The following PPP2R2B variants were observed in gnomAD, a reference collection of about 807,000 sequenced individuals.
PPP2R2B encodes protein phosphatase 2 regulatory subunit Bbeta, also known as serine/threonine-protein phosphatase 2A 55 kDa regulatory subunit B beta isoform.
In PPP2R2B, 5 loss-of-function variants were observed where a neutral mutation model predicts 46.0. That is an observed-to-expected ratio of 0.11 (90% CI 0.06 to 0.23). PPP2R2B has a LOEUF of 0.23. PPP2R2B is among the 10% of genes least tolerant of loss of function. PPP2R2B has a pLI of 1.00. For missense variants in PPP2R2B, 367 were observed against 575.0 expected (o/e 0.64, Z 3.70); for synonymous variants, 215 against 206.7 (o/e 1.04, Z -0.34).
intron 7 of PPP2R2B, chr5:146,616,973 G>A (rs1342384650): frequency 1.3e-5 from 2 of 152,316 alleles, no homozygotes; most frequent in African/African-American, 4.8e-5. Context: ...AGCAACCTAA[G>A]TGTTCACCAA....
At chr5:146,927,920 T>C (rs1763835639) in intron 1 of PPP2R2B, among the ~76,000 whole-genome samples, 1 of 152,030 alleles carries the variant, frequency 6.6e-6, no homozygotes. Flanking sequence ...TTTTGTATTT[T>C]TAGTAGAGAC....
At chr5:146,928,433 A>G (rs946162031) in intron 1 of PPP2R2B, among the ~76,000 whole-genome samples, 3 of 151,840 alleles carry the variant, frequency 2.0e-5, no homozygotes, top group African/African-American at 7.3e-5. Context: ...ATCTTGATTG[A>G]TATTAATTTA....
chr5:146,817,689 G>A (rs1167891018), intron 2 of PPP2R2B, among the ~76,000 whole-genome samples: 4 of 152,134 alleles, frequency 2.6e-5, no homozygotes, highest in South Asian at 2.1e-4. Flanking sequence ...ATGGAAACTC[G>A]TAAAATAAAA....
chr5:147,026,254 G>A (rs925351589), intron 1 of PPP2R2B, among the ~76,000 whole-genome samples: 3 of 151,946 alleles, frequency 2.0e-5, no homozygotes, highest in Non-Finnish European at 2.9e-5. Context: ...GATAAAGTAC[G>A]GTATATCCAT....
intron 1 of PPP2R2B, among the ~76,000 whole-genome samples, chr5:146,987,328 A>G (rs912137985): frequency 1.3e-5 from 2 of 152,126 alleles, no homozygotes; most frequent in African/African-American, 4.8e-5. Flanking sequence ...ATCTGAAGAA[A>G]TAAAATCCAC....
chr5:146,862,900 A>T (rs951808386), intron 2 of PPP2R2B, among the ~76,000 whole-genome samples: 63 of 151,710 alleles, frequency 4.2e-4, no homozygotes, highest in African/African-American at 1.5e-3. Flanking sequence ...TAATGGGCTC[A>T]AATCCAAGTT....
intron 1 of PPP2R2B, among the ~76,000 whole-genome samples, chr5:146,887,125 CTTAT>C (rs1428456821): frequency 1.3e-5 from 2 of 151,836 alleles, no homozygotes; most frequent in Non-Finnish European, 2.9e-5. Flanking sequence ...ATAAAATTAT[CTTAT>C]TTAATCTGTC....
chr5:146,646,200 A>G (rs1441524204), intron 6 of PPP2R2B, among the ~76,000 whole-genome samples: 2 of 152,188 alleles, frequency 1.3e-5, no homozygotes, highest in Admixed American at 6.5e-5. Flanking sequence ...TGCTCAATTT[A>G]TCATCGTTGA....
At chr5:146,590,966 C>T (rs1770586692) in intron 9 of PPP2R2B, among the ~76,000 whole-genome samples, 2 of 152,112 alleles carry the variant, frequency 1.3e-5, no homozygotes, top group Non-Finnish European at 2.9e-5. Flanking sequence ...TATAAGTTAT[C>T]CCCTCTTAGG....
chr5:146,692,886 C>G (rs1778951252), intron 4 of PPP2R2B, among the ~76,000 whole-genome samples: 1 of 152,132 alleles, frequency 6.6e-6, no homozygotes. Flanking sequence ...TGTCTGCTGG[C>G]CACATGCTTT....
rs1554091379 is a variant in PPP2R2B, at chr5:147,079,469, T to TAC, written c.50+1588_50+1589dup. Among the ~76,000 whole-genome samples, 1,232 of 139,008 alleles carry TAC rather than the reference T, an allele frequency of 8.9e-3. 16 individuals are homozygous for TAC. The highest frequency in any genetic ancestry group is 0.03 in the African/African-American group (1,140 of 37,526). 91.2% of individuals were successfully genotyped at this position (139,008 alleles called of 152,430 possible). A position where few individuals can be genotyped will look rare whatever the true frequency, so the allele number is the denominator to read the frequency against. ...ACATATATATATATATATATATATA[T>TAC]ACATGTGCAATGGAATATTACTCAG... On this transcript the variant is annotated intron_variant, in intron 2 of 10. Transcript: ENST00000394413.
At chr5:147,016,267 C>G (rs952438424) in intron 1 of PPP2R2B, among the ~76,000 whole-genome samples, 3 of 150,936 alleles carry the variant, frequency 2.0e-5, no homozygotes, top group Non-Finnish European at 2.9e-5. Context: ...CCCAGGACTT[C>G]GCGGTTATAG....
chr5:147,079,859 G>T (rs1757924546), intron 2 of PPP2R2B, among the ~76,000 whole-genome samples: 1 of 151,992 alleles, frequency 6.6e-6, no homozygotes, highest in Non-Finnish European at 1.5e-5. Flanking sequence ...ACAAATAAAT[G>T]ATAAATATAT....
At position 146,779,313 on chromosome 5, in the gene PPP2R2B, T is replaced by C. The variant is rs192007318; in HGVS notation, c.71-78171A>G. 8.5e-5 allele frequency among the ~76,000 whole-genome samples: 13 copies of C among 152,282 alleles called. No homozygotes were observed. The East Asian group carries it at 2.5e-3, about 30-fold the overall frequency. On this transcript the variant is annotated intron_variant, in intron 2 of 9. Coordinates refer to ENST00000394411, the MANE Select transcript of PPP2R2B (RefSeq NM_181675.4). ...GCTGGAAACGAGACTGTCCACATCTTGTTTCCAGAAAACGGATTACTCTGC... is the reference window on the plus strand; with the variant it reads ...GCTGGAAACGAGACTGTCCACATCTCGTTTCCAGAAAACGGATTACTCTGC...
intron 5 of PPP2R2B, among the ~76,000 whole-genome samples, chr5:146,683,544 A>G (rs1405284584): frequency 6.6e-6 from 1 of 152,190 alleles, no homozygotes; most frequent in Non-Finnish European, 1.5e-5. Context: ...TGCATGCAAA[A>G]TGTTCTTGGA....
At chr5:146,717,283 C>G (rs2151189020) in intron 2 of PPP2R2B, among the ~76,000 whole-genome samples, 1 of 152,308 alleles carries the variant, frequency 6.6e-6, no homozygotes, top group South Asian at 2.1e-4. Context: ...ATCACATTTC[C>G]ATACCTCCAA....
At chr5:146,604,991 A>G (rs1212947992) in intron 7 of PPP2R2B, among the ~76,000 whole-genome samples, 1 of 152,184 alleles carries the variant, frequency 6.6e-6, no homozygotes, top group East Asian at 1.9e-4. Context: ...GTACACTGGA[A>G]AGAACATCAG....
intron 1 of PPP2R2B, among the ~76,000 whole-genome samples, chr5:147,009,898 C>CACACAT (rs781463815): frequency 0.089 from 12,866 of 145,144 alleles, 715 homozygotes; most frequent in African/African-American, 0.16. Context: ...CACACACACA[C>CACACAT]ATATATATAT....
chr5:146,696,832 G>A (rs1779206435), intron 4 of PPP2R2B, among the ~76,000 whole-genome samples: 1 of 152,046 alleles, frequency 6.6e-6, no homozygotes, highest in African/African-American at 2.4e-5. Flanking sequence ...TGAGAGATTT[G>A]GGGTTCAAAT....
Sources: gnomAD v4.1 joint callset for allele counts (sites outside exome capture counted in the v4.1 genomes callset) on GRCh38, gnomAD v4.1.1 for gene constraint, MANE v1.5 for transcripts, NCBI Gene and HGNC (gene_info 2026-07-23, HGNC 2026-07-21) for gene names.